Variants in PCDHA5 observed in about 807,000 individuals in gnomAD.
PCDHA5 encodes protocadherin alpha-5.
Under a neutral mutation model 61.6 loss-of-function variants are expected in PCDHA5, and 43 were observed. The observed-to-expected ratio is 0.70, with a 90% CI of 0.55 to 0.90. The LOEUF (loss-of-function observed/expected upper bound fraction) is 0.90, where lower values mean the gene tolerates loss of function less well. Ranked by LOEUF, PCDHA5 falls within the 40% of genes least tolerant of loss-of-function variation. The pLI, the probability that PCDHA5 is intolerant of heterozygous loss-of-function variation, is 0.00. For missense variants in PCDHA5, 1,298 were observed against 1,222.7 expected, an observed-to-expected ratio of 1.06 and a Z score of -0.92; for synonymous variants, 627 against 543.9, an observed-to-expected ratio of 1.15 and a Z score of -2.13.
At chr5:140,842,748 C>A in intron 1 of PCDHA5, 1 of 1,595,020 alleles carries the variant, frequency 6.3e-7, no homozygotes, top group Non-Finnish European at 8.6e-7. Flanking sequence ...CACATCTTCA[C>A]GGTGTCTGCG....
Position 140,856,096 on chromosome 5 carries a change from G to C in PCDHA5, c.2352+31969G>C, listed in dbSNP as rs1031755500. The C allele has an allele frequency of 1.1e-5, 17 of 1,597,460 alleles. 1 individual carries two copies. The Admixed American group carries it at 2.5e-4, about 24-fold the overall frequency. On this transcript the variant is annotated intron_variant, in intron 1 of 3. Coordinates refer to ENST00000529859, the MANE Select transcript of PCDHA5 (RefSeq NM_018908.3). Reference sequence around the variant, plus strand: ...TGGGGGTCCAGTGTCTGCTGCTCTCGCTTCTTCTCCTCGCAGCCTGGGAGG... The same window carrying C: ...TGGGGGTCCAGTGTCTGCTGCTCTCCCTTCTTCTCCTCGCAGCCTGGGAGG...
At chr5:140,946,032 A>C (rs1440402875) in intron 1 of PCDHA5, among the ~76,000 whole-genome samples, 2 of 152,102 alleles carry the variant, frequency 1.3e-5, no homozygotes, top group Admixed American at 1.3e-4. Flanking sequence ...AGAAAACAAG[A>C]GTGAAGGGAC....
At chr5:140,903,416 T>A (rs2070284951) in intron 1 of PCDHA5, among the ~76,000 whole-genome samples, 1 of 152,184 alleles carries the variant, frequency 6.6e-6, no homozygotes, top group Admixed American at 6.5e-5. Flanking sequence ...TCAGGAAAAA[T>A]TCAGCACAAT....
At chr5:140,916,367 C>T (rs1400347792) in intron 1 of PCDHA5, among the ~76,000 whole-genome samples, 2 of 152,196 alleles carry the variant, frequency 1.3e-5, no homozygotes, top group Non-Finnish European at 1.5e-5. Context: ...GAGTCTTTCA[C>T]TGTAGCCACC....
chr5:140,966,278 T>A, intron 1 of PCDHA5: 1 of 363,192 alleles, frequency 2.8e-6, no homozygotes, highest in Non-Finnish European at 4.9e-6. Context: ...AACTGGACAG[T>A]GGGGGTAGGG....
intron 1 of PCDHA5, among the ~76,000 whole-genome samples, chr5:140,894,494 T>C (rs1412845995): frequency 6.6e-6 from 1 of 151,992 alleles, no homozygotes; most frequent in Non-Finnish European, 1.5e-5. Flanking sequence ...TAGTTTTCTT[T>C]AGGCATTATC....
At chr5:140,828,015 A>G (rs1769489590) in intron 1 of PCDHA5, 1 of 1,509,160 alleles carries the variant, frequency 6.6e-7, no homozygotes, top group African/African-American at 1.4e-5. Flanking sequence ...GAAATGGATT[A>G]ATAAATTCCG....
At chr5:140,971,968 A>G (rs1049886222) in intron 1 of PCDHA5, among the ~76,000 whole-genome samples, 3 of 152,124 alleles carry the variant, frequency 2.0e-5, no homozygotes, top group Non-Finnish European at 4.4e-5. Flanking sequence ...CTTTTTTTCA[A>G]TACTATGAGT....
At chr5:140,834,787 C>G in intron 1 of PCDHA5, 1 of 1,613,658 alleles carries the variant, frequency 6.2e-7, no homozygotes, top group Non-Finnish European at 8.5e-7. Flanking sequence ...GTGTTCCCAG[C>G]GACACAAAGG....
At chr5:140,829,650 T>C (rs2150172095) in intron 1 of PCDHA5, 3 of 1,612,396 alleles carry the variant, frequency 1.9e-6, no homozygotes, top group Non-Finnish European at 1.7e-6. Context: ...GTGTACGCGC[T>C]GCAGCCGCTG....
At chr5:140,897,222 G>A (rs2065939417) in intron 1 of PCDHA5, among the ~76,000 whole-genome samples, 1 of 151,978 alleles carries the variant, frequency 6.6e-6, no homozygotes, top group Non-Finnish European at 1.5e-5. Context: ...TAGGGTACAT[G>A]TGCACAATGT....
At chr5:140,991,691 A>G (rs2153897191) in intron 3 of PCDHA5, among the ~76,000 whole-genome samples, 1 of 152,286 alleles carries the variant, frequency 6.6e-6, no homozygotes, top group Middle Eastern at 3.4e-3. Flanking sequence ...TCTCTAGTAG[A>G]GCCATTAATA....
chr5:140,841,682 G>A (rs2150320729), intron 1 of PCDHA5: 3 of 1,613,962 alleles, frequency 1.9e-6, no homozygotes, highest in East Asian at 2.2e-5. Flanking sequence ...CCATGTGGAC[G>A]TGGAGGTGAA....
chr5:141,010,232 A>C lies in PCDHA5; in HGVS notation c.*295A>C. The C allele has an allele frequency of 1.3e-6, 2 of 1,551,952 alleles. No individual in the cohort carries two copies. The highest frequency in any genetic ancestry group is 1.7e-6 in the Non-Finnish European group (2 of 1,147,050). The stretch of plus-strand genomic sequence containing the variant: ...AAAGGAGAGGCTTCCCAGCCCCGCC[A>C]GTGAGAGGTTGGACTCTCTGCCCTG... On this transcript the variant is annotated 3_prime_UTR_variant, in exon 4 of 4. Coordinates refer to ENST00000529859, the MANE Select transcript of PCDHA5 (RefSeq NM_018908.3).
At chr5:140,976,637 A>G (rs781951504) in intron 1 of PCDHA5, among the ~76,000 whole-genome samples, 16 of 152,226 alleles carry the variant, frequency 1.1e-4, no homozygotes, top group Non-Finnish European at 1.5e-4. Flanking sequence ...CAGCAATCAG[A>G]CAAGTAATTT....
chr5:140,928,876 C>T (rs1554206456), intron 1 of PCDHA5: 1 of 1,614,194 alleles, frequency 6.2e-7, no homozygotes, highest in Non-Finnish European at 8.5e-7. Context: ...CTCTGTCCCT[C>T]AGTTACTTCC....
rs782188760 is a variant in PCDHA5, at chr5:140,877,108, G to A, written c.2352+52981G>A. 2.5e-5 allele frequency: 41 copies of A among 1,613,540 alleles called. No individual in the cohort carries two copies. Among genetic ancestry groups the A allele is most frequent in the South Asian group, 1.1e-4 (10 of 91,052 alleles). ...GCGCGACGCCGGCGTGCCGCCTCTG[G>A]GCAGCAACGTGACGCTGCAGGTGTT... On this transcript the variant is annotated intron_variant, in intron 1 of 3. Transcript: ENST00000529859.
intron 1 of PCDHA5, among the ~76,000 whole-genome samples, chr5:140,893,497 G>GA (rs1157700367): frequency 4.1e-4 from 62 of 150,170 alleles, no homozygotes; most frequent in African/African-American, 1.2e-3. Context: ...TCACAAAAAA[G>GA]AAAAAAAAAG....
In PCDHA5 at chr5:141,003,361, G is replaced by A. The variant is rs2098120892; in HGVS notation, c.2501-6266G>A. Among the ~76,000 whole-genome samples the A allele has an allele frequency of 5.9e-5, 9 of 152,298 alleles. No individual in the cohort carries two copies. The South Asian group carries it at 1.9e-3, about 32-fold the overall frequency. On this transcript the variant is annotated intron_variant, in intron 3 of 3. Coordinates refer to ENST00000529859, the MANE Select transcript of PCDHA5 (RefSeq NM_018908.3). ...TTTGTTTGCTCTGTCACCCAGGCTG[G>A]AGTGCAGTGGTGCAATCTCAGCTCA...
Sources: allele counts gnomAD v4.1 joint callset (sites outside exome capture counted in the v4.1 genomes callset), GRCh38; gene constraint gnomAD v4.1.1; transcripts MANE v1.5; gene names NCBI Gene and HGNC (gene_info 2026-07-23, HGNC 2026-07-21).